PPP2R2B: variants seen among roughly 807,000 people sequenced by gnomAD.
The protein encoded by PPP2R2B is serine/threonine-protein phosphatase 2A 55 kDa regulatory subunit B beta isoform.
A neutral mutation model predicts 46.0 loss-of-function variants in PPP2R2B; 5 were observed. That is an observed-to-expected ratio of 0.11 (90% confidence interval 0.06 to 0.23). PPP2R2B has a LOEUF of 0.23. Ranked by LOEUF, PPP2R2B falls within the 10% of genes least tolerant of loss-of-function variation. PPP2R2B has a pLI of 1.00. For synonymous variants in PPP2R2B, 215 were observed against 206.7 expected (o/e 1.04, Z -0.34); for missense variants, 367 against 575.0 (o/e 0.64, Z 3.70).
At chr5:146,769,800 G>A (rs907225791) in intron 2 of PPP2R2B, among the ~76,000 whole-genome samples, 2 of 152,116 alleles carry the variant, frequency 1.3e-5, no homozygotes, top group Non-Finnish European at 2.9e-5. Flanking sequence ...AGACAAGTGA[G>A]ATAAAAACAG....
intron 9 of PPP2R2B, 57 bp downstream of exon 9, chr5:146,592,914 C>T (rs1770800724): frequency 6.6e-7 from 1 of 1,518,372 alleles, no homozygotes; most frequent in South Asian, 1.1e-5. Flanking sequence ...GGATAAATTC[C>T]CTGAGCCTCT....
chr5:146,996,815 A>T (rs1472661039), intron 1 of PPP2R2B, among the ~76,000 whole-genome samples: 1 of 151,946 alleles, frequency 6.6e-6, no homozygotes, highest in Non-Finnish European at 1.5e-5. Flanking sequence ...GGAGGGATCA[A>T]TTCTCCCTCC....
intron 7 of PPP2R2B, among the ~76,000 whole-genome samples, chr5:146,608,954 CA>C (rs2151032773): frequency 6.6e-6 from 1 of 152,176 alleles, no homozygotes; most frequent in Non-Finnish European, 1.5e-5. Flanking sequence ...ACCCTGATAC[CA>C]AAACCGGACA....
chr5:146,879,049 G>A, upstream of PPP2R2B: 2 of 485,688 alleles, frequency 4.1e-6, no homozygotes, highest in Non-Finnish European at 5.7e-6. Flanking sequence ...GCCTTTCTCC[G>A]GACGCCTGAA....
At chr5:146,820,995 G>A (rs912422978) in intron 2 of PPP2R2B, among the ~76,000 whole-genome samples, 7 of 151,906 alleles carry the variant, frequency 4.6e-5, no homozygotes, top group African/African-American at 1.2e-4. Context: ...TTAGTGCATC[G>A]CCTTCTAATA....
At chr5:146,926,952 A>T (rs1024989123) in intron 1 of PPP2R2B, among the ~76,000 whole-genome samples, 5 of 152,182 alleles carry the variant, frequency 3.3e-5, no homozygotes, top group Middle Eastern at 3.4e-3. Context: ...TTCTATTGAC[A>T]ACTTTGCTTG....
intron 5 of PPP2R2B, among the ~76,000 whole-genome samples, chr5:146,687,237 T>C: frequency 6.6e-6 from 1 of 152,258 alleles, no homozygotes; most frequent in Non-Finnish European, 1.5e-5. Context: ...TGATTTTTAG[T>C]CCCAGTCCTG....
chr5:146,835,855 T>C (rs1207895550), intron 2 of PPP2R2B, among the ~76,000 whole-genome samples: 1 of 152,220 alleles, frequency 6.6e-6, no homozygotes. Flanking sequence ...CAGATGCTAC[T>C]AATTCTGCAT....
At chr5:146,640,729 A>AT (rs891436147) in intron 6 of PPP2R2B, among the ~76,000 whole-genome samples, 5 of 152,082 alleles carry the variant, frequency 3.3e-5, no homozygotes, top group African/African-American at 9.7e-5. Context: ...AGCTACAGTT[A>AT]TTTTTTCCCA....
At chr5:146,980,651 C>T (rs1753125961) in intron 1 of PPP2R2B, among the ~76,000 whole-genome samples, 2 of 151,980 alleles carry the variant, frequency 1.3e-5, no homozygotes, top group Admixed American at 6.5e-5. Flanking sequence ...AGATTAATCT[C>T]TCTTGTTTTT....
intron 1 of PPP2R2B, among the ~76,000 whole-genome samples, chr5:147,015,161 C>G (rs936184188): frequency 1.3e-5 from 2 of 148,950 alleles, no homozygotes; most frequent in Non-Finnish European, 2.9e-5. Context: ...GTGCCTGACA[C>G]AGAGAAGGTG....
intron 6 of PPP2R2B, among the ~76,000 whole-genome samples, chr5:146,644,234 CAAAAA>C (rs58634387): frequency 1.5e-3 from 93 of 60,674 alleles, no homozygotes; most frequent in Non-Finnish European, 1.5e-3. Context: ...AGGAAAGTTT[CAAAAA>C]AAAAAAAAAA....
intron 2 of PPP2R2B, among the ~76,000 whole-genome samples, chr5:146,726,975 T>C (rs17105304): frequency 0.078 from 11,921 of 152,244 alleles, 654 homozygotes; most frequent in East Asian, 0.19. Context: ...GGCGTTTCCA[T>C]AAGAAGGGAC....
intron 7 of PPP2R2B, among the ~76,000 whole-genome samples, chr5:146,622,465 AC>A (rs1396010432): frequency 6.6e-6 from 1 of 152,160 alleles, no homozygotes; most frequent in Non-Finnish European, 1.5e-5. Flanking sequence ...AGCACTATTG[AC>A]CACTATGATA....
At chr5:146,886,228 A>C (rs1045241064) in intron 1 of PPP2R2B, among the ~76,000 whole-genome samples, 1 of 151,898 alleles carries the variant, frequency 6.6e-6, no homozygotes, top group African/African-American at 2.4e-5. Flanking sequence ...AGTCCCAGTT[A>C]CTCGGGAAGC....
At chr5:146,857,725 T>C (rs1446201466) in intron 2 of PPP2R2B, among the ~76,000 whole-genome samples, 1 of 152,084 alleles carries the variant, frequency 6.6e-6, no homozygotes, top group Middle Eastern at 3.2e-3. Context: ...TTTGCTCTTG[T>C]TGCCCAGGCT....
At chr5:146,726,728 G>A (rs1222780472) in intron 2 of PPP2R2B, among the ~76,000 whole-genome samples, 1 of 152,090 alleles carries the variant, frequency 6.6e-6, no homozygotes, top group Non-Finnish European at 1.5e-5. Context: ...AGGCTCATGG[G>A]ATCTGATCTG....
chr5:146,990,366 C>T (rs1057254038), intron 1 of PPP2R2B, among the ~76,000 whole-genome samples: 1 of 151,974 alleles, frequency 6.6e-6, no homozygotes, highest in African/African-American at 2.4e-5. Flanking sequence ...CAGCATGGTA[C>T]TTATAGAAAA....
chr5:146,905,597 C>A (rs1762970551), intron 1 of PPP2R2B, among the ~76,000 whole-genome samples: 1 of 152,124 alleles, frequency 6.6e-6, no homozygotes, highest in African/African-American at 2.4e-5. Context: ...AAAACTGGAA[C>A]AGCCCAACTG....
Sources: gnomAD v4.1 joint callset for allele counts (sites outside exome capture counted in the v4.1 genomes callset) on GRCh38, gnomAD v4.1.1 for gene constraint, MANE v1.5 for transcripts, NCBI Gene and HGNC (gene_info 2026-07-23, HGNC 2026-07-21) for gene names.